The following ALOX12B variants were observed in gnomAD, a reference collection of about 807,000 sequenced individuals.
ALOX12B encodes arachidonate 12-lipoxygenase, 12R-type.
In ALOX12B, 47 loss-of-function variants were observed where a neutral mutation model predicts 78.9. That is an observed-to-expected ratio of 0.60 (90% CI 0.47 to 0.76). The LOEUF is 0.76. Ranked by LOEUF, ALOX12B falls within the 30% of genes least tolerant of loss-of-function variation. The pLI is 0.00. For synonymous variants in ALOX12B, 370 were observed against 374.5 expected, an observed-to-expected ratio of 0.99 and a Z score of 0.14; for missense variants, 805 against 922.6, an observed-to-expected ratio of 0.87 and a Z score of 1.65.
At position 8,075,581 on chromosome 17, in the gene ALOX12B, G is replaced by A. The variant is rs1977060830; in HGVS notation, c.1654+14C>T. ...CCCAGCTCCCCCTGATTGCCCAGGT[G>A]TCCAGGCCCATACCTGAGCTCTCCC... On this transcript the variant is annotated intron_variant, in intron 12 of 14. Coordinates refer to ENST00000647874, the MANE Select transcript of ALOX12B (RefSeq NM_001139.3). 2 of 1,613,932 alleles carry A rather than the reference G, an allele frequency of 1.2e-6. No individual in the cohort carries two copies. Among genetic ancestry groups the A allele is most frequent in the Non-Finnish European group, 1.7e-6 (2 of 1,180,012 alleles).
intron 2 of ALOX12B, among the ~76,000 whole-genome samples, chr17:8,082,577 G>A (rs1380402315): frequency 1.3e-5 from 2 of 151,968 alleles, no homozygotes; most frequent in African/African-American, 4.8e-5. Context: ...GAGCACAAAG[G>A]AGATTCGTTT....
At position 8,079,940 on chromosome 17, in the gene ALOX12B, C is replaced by A; in HGVS notation, c.756G>T (p.Glu252Asp). 1 of 1,611,630 alleles carries A rather than the reference C, an allele frequency of 6.2e-7. No homozygotes were observed. Among genetic ancestry groups the A allele is most frequent in the Non-Finnish European group, 8.5e-7 (1 of 1,179,132 alleles). The change falls in exon 7 of 15, where the codon GAG becomes GAT. Residue 252 changes from glutamate (E) to aspartate (D), a missense_variant and splice_region_variant. By Grantham distance (45) the Glu-to-Asp change is conservative (BLOSUM62 2). Transcript: ENST00000647874. The surrounding 1 kb of genome is among the most constrained non-coding windows in gnomAD (Gnocchi z 6.4). ...IFPGKKSVVS[E>D]YVAEHWAEDT... is the part of the protein sequence containing the mutation. ...CCTCTGCCCAGTGCTCGGCCACGTACTCTGCGAGGACGGCGCGAGGGCGTC... is the reference window on the plus strand; with the variant it reads ...CCTCTGCCCAGTGCTCGGCCACGTAATCTGCGAGGACGGCGCGAGGGCGTC...
intron 2 of ALOX12B, among the ~76,000 whole-genome samples, chr17:8,085,298 A>G (rs556989653): frequency 3.9e-5 from 6 of 152,092 alleles, no homozygotes; most frequent in South Asian, 2.1e-4. Context: ...CTGGCCAACA[A>G]AGTGAAACCC....
intron 1 of ALOX12B, among the ~76,000 whole-genome samples, chr17:8,086,942 G>T (rs1978300834): frequency 6.6e-6 from 1 of 152,054 alleles, no homozygotes. Flanking sequence ...GGGAGAGAGG[G>T]CTGAGGAAGA....
In ALOX12B at chr17:8,073,031, C is replaced by T; in HGVS notation, c.1927-81G>A. 2.5e-6 allele frequency: 4 copies of T among 1,598,160 alleles called. No homozygotes were observed. The South Asian group carries it at 4.5e-5, about 18-fold the overall frequency. On this transcript the variant is annotated intron_variant, in intron 14 of 14. Coordinates refer to ENST00000647874, the MANE Select transcript of ALOX12B (RefSeq NM_001139.3). ...TGCCGGTGGCCCTGGCCCCTCCACC[C>T]TTTGGTTTCAGTGGCCTCTCACTCC...
rs1389397394 is a variant in ALOX12B, at chr17:8,079,743, G to A, written c.927+26C>T. Reference sequence around the variant, plus strand: ...CGCGAGGGAGGCCGGGAGGAGGGCCGGGGTCTCCGCCGGAGCGGGCCTCAC... The same window carrying A: ...CGCGAGGGAGGCCGGGAGGAGGGCCAGGGTCTCCGCCGGAGCGGGCCTCAC... On this transcript the variant is annotated intron_variant, in intron 7 of 14. Transcript: ENST00000647874. This position sits in a 1 kb window ranked among gnomAD's most constrained non-coding sequence, Gnocchi z 6.4. 5 of 1,604,146 alleles carry A rather than the reference G, an allele frequency of 3.1e-6. No homozygotes were observed. Among genetic ancestry groups the A allele is most frequent in the East Asian group, 2.3e-5 (1 of 44,348 alleles).
chr17:8,076,785 G>A, intron 9 of ALOX12B, 42 bp from the exon 10 acceptor site: 2 of 1,532,810 alleles, frequency 1.3e-6, no homozygotes, highest in Non-Finnish European at 1.8e-6. Flanking sequence ...GGGCTGAAGT[G>A]GCCCCCAAAG....
At chr17:8,081,480 A>G in intron 2 of ALOX12B, 2 of 481,880 alleles carry the variant, frequency 4.2e-6, no homozygotes, top group Non-Finnish European at 7.9e-6. Context: ...TTCATGGAGT[A>G]CAAGAGCAAT....
chr17:8,087,053 T>C (rs1978301271), intron 1 of ALOX12B, among the ~76,000 whole-genome samples: 1 of 151,944 alleles, frequency 6.6e-6, no homozygotes. Flanking sequence ...ATCTGGGACA[T>C]GGGCGAGGGG....
At chr17:8,078,541 C>T (rs1177464101) in intron 8 of ALOX12B, among the ~76,000 whole-genome samples, 1 of 149,996 alleles carries the variant, frequency 6.7e-6, no homozygotes, top group African/African-American at 2.5e-5. Flanking sequence ...GAGGCTGAGG[C>T]GGGAGAATCG....
chr17:8,084,135 C>T (rs754680563), intron 2 of ALOX12B, among the ~76,000 whole-genome samples: 1 of 149,164 alleles, frequency 6.7e-6, no homozygotes, highest in Non-Finnish European at 1.5e-5. Context: ...TCCAGGGCGA[C>T]AGAGCGAGAC....
intron 2 of ALOX12B, among the ~76,000 whole-genome samples, chr17:8,081,937 C>G (rs1977226460): frequency 6.6e-6 from 1 of 152,122 alleles, no homozygotes; most frequent in Admixed American, 6.5e-5. Flanking sequence ...GCCACCACAC[C>G]TGGCCCATGT....
rs776112119 is a variant in ALOX12B at position 8,073,001 on chromosome 17, C to T, written c.1927-51G>A. ...GGACCAGGGCCGGCCAGCACCCCCT[C>T]CTCCTGCCGGTGGCCCTGGCCCCTC... On this transcript the variant is annotated intron_variant, in intron 14 of 14. Transcript: ENST00000647874. 7 of 1,595,876 alleles carry T rather than the reference C, an allele frequency of 4.4e-6. No individual in the cohort carries two copies. The South Asian group carries it at 7.8e-5, about 18-fold the overall frequency.
chr17:8,087,103 G>A (rs144984356), intron 1 of ALOX12B, among the ~76,000 whole-genome samples, 193 bp downstream of exon 1: 72 of 152,238 alleles, frequency 4.7e-4, no homozygotes, highest in Non-Finnish European at 8.8e-4. Flanking sequence ...GAGCCACTGG[G>A]GAGCCCACTG....
chr17:8,075,849 C>A, intron 11 of ALOX12B, 133 bp from the exon 12 acceptor site: 1 of 1,444,618 alleles, frequency 6.9e-7, no homozygotes, highest in Non-Finnish European at 9.7e-7. Context: ...GAGGGCAAGT[C>A]CTGTGGGGCA....
Position 8,079,981 on chromosome 17 carries a change from C to G in ALOX12B, c.755-40G>C. On this transcript the variant is annotated intron_variant, in intron 6 of 14. Coordinates refer to ENST00000647874, the MANE Select transcript of ALOX12B (RefSeq NM_001139.3). The surrounding 1 kb of genome is among the most constrained non-coding windows in gnomAD (Gnocchi z 6.4). The stretch of plus-strand genomic sequence containing the variant: ...CGAGGGCGTCACAAGGAGGCCCGGC[C>G]CCCCTCGGGGACGGAGAGGCATGGG... 3 of 1,597,038 alleles carry G rather than the reference C, an allele frequency of 1.9e-6. No homozygotes were observed. The highest frequency in any genetic ancestry group is 2.6e-6 in the Non-Finnish European group (3 of 1,171,920).
chr17:8,084,130 G>A (rs959143930), intron 2 of ALOX12B, among the ~76,000 whole-genome samples: 5 of 151,282 alleles, frequency 3.3e-5, no homozygotes, highest in Non-Finnish European at 7.4e-5. Context: ...TGCACTCCAG[G>A]GCGACAGAGC....
At chr17:8,074,880 C>T (rs1977049530) in intron 12 of ALOX12B, among the ~76,000 whole-genome samples, 1 of 152,234 alleles carries the variant, frequency 6.6e-6, no homozygotes, top group Admixed American at 6.5e-5. Context: ...TCTCCGTCCC[C>T]ATCCTCAGTC....
At chr17:8,077,692 G>C (rs1012001385) in intron 8 of ALOX12B, among the ~76,000 whole-genome samples, 1 of 152,194 alleles carries the variant, frequency 6.6e-6, no homozygotes, top group African/African-American at 2.4e-5. Flanking sequence ...CTCTGGGAAG[G>C]AAACACCCAG....
Sources: allele counts gnomAD v4.1 joint callset (sites outside exome capture counted in the v4.1 genomes callset), GRCh38; gene constraint gnomAD v4.1.1; non-coding constraint Gnocchi (gnomAD v3.1); transcripts MANE v1.5; gene names NCBI Gene and HGNC (gene_info 2026-07-23, HGNC 2026-07-21).